The following SLC25A48 variants were observed in gnomAD, a reference collection of about 807,000 sequenced individuals.
The protein encoded by SLC25A48 is solute carrier family 25 member 48.
Under a neutral mutation model 32.2 loss-of-function variants are expected in SLC25A48, and 29 were observed. That is an observed-to-expected ratio of 0.90 (90% CI 0.67 to 1.23). The LOEUF is 1.23. Ranked by LOEUF, SLC25A48 falls within the 50% of genes most tolerant of loss-of-function variation. The pLI is 0.00. For missense variants in SLC25A48, 399 were observed against 422.7 expected (o/e 0.94, Z 0.49); for synonymous variants, 164 against 172.3 (o/e 0.95, Z 0.38).
At chr5:135,740,331 T>G (rs928292370) in intron 3 of SLC25A48, among the ~76,000 whole-genome samples, 3 of 152,086 alleles carry the variant, frequency 2.0e-5, no homozygotes, top group African/African-American at 7.2e-5. Flanking sequence ...GTAGCTAAGA[T>G]TACAGGTACA....
chr5:135,842,106 C>T (rs1289237441), intron 1 of SLC25A48, among the ~76,000 whole-genome samples: 2 of 152,102 alleles, frequency 1.3e-5, no homozygotes, highest in Non-Finnish European at 2.9e-5. Flanking sequence ...GGTCTTTGAT[C>T]TATTTTGATT....
intron 3 of SLC25A48, among the ~76,000 whole-genome samples, chr5:135,763,021 G>A (rs1446502769): frequency 6.6e-6 from 1 of 151,984 alleles, no homozygotes; most frequent in Non-Finnish European, 1.5e-5. Context: ...GTGTGTGAGA[G>A]AGTGAACCTG....
At chr5:135,774,995 A>C (rs748606918) in intron 3 of SLC25A48, among the ~76,000 whole-genome samples, 6 of 151,746 alleles carry the variant, frequency 4.0e-5, no homozygotes, top group Non-Finnish European at 7.4e-5. Context: ...ATTGTTCCTA[A>C]TATCCAGGGG....
intron 3 of SLC25A48, among the ~76,000 whole-genome samples, chr5:135,687,031 A>G (rs577853969): frequency 2.6e-5 from 4 of 152,058 alleles, no homozygotes; most frequent in Admixed American, 6.5e-5. Flanking sequence ...GACAATTTTT[A>G]AAACAATCCA....
chr5:135,835,085 C>T, intron 1 of SLC25A48, 192 bp downstream of exon 1: 1 of 736,452 alleles, frequency 1.4e-6, no homozygotes, highest in Non-Finnish European at 2.5e-6. Context: ...ATTCTGAGAG[C>T]TTCACAGCGT....
chr5:135,588,746 T>A (rs1458992565), intron 1 of SLC25A48, among the ~76,000 whole-genome samples: 1 of 142,368 alleles, frequency 7.0e-6, no homozygotes. Context: ...TCAGAACACA[T>A]GTGATGAGTC....
chr5:135,601,774 A>G (rs1159804990), intron 1 of SLC25A48, among the ~76,000 whole-genome samples: 1 of 152,192 alleles, frequency 6.6e-6, no homozygotes, highest in Non-Finnish European at 1.5e-5. Flanking sequence ...GAGCCAAAAG[A>G]AACTGTATTC....
chr5:135,605,226 A>C (rs1751906036), intron 1 of SLC25A48, among the ~76,000 whole-genome samples: 1 of 152,262 alleles, frequency 6.6e-6, no homozygotes, highest in Non-Finnish European at 1.5e-5. Context: ...TTACTTTATA[A>C]TTTAAAAAAT....
chr5:135,669,555 G>C (rs764623931), intron 3 of SLC25A48, among the ~76,000 whole-genome samples: 11 of 152,130 alleles, frequency 7.2e-5, no homozygotes, highest in Non-Finnish European at 1.6e-4. Context: ...CCACGGCTCA[G>C]AGTTATCCTA....
chr5:135,884,578 TGATGGGAGAGACCAGCCTGC>T (rs148226496), intron 7 of SLC25A48, among the ~76,000 whole-genome samples: 2,298 of 152,232 alleles, frequency 0.015, 33 homozygotes, highest in Non-Finnish European at 0.024. Context: ...GAGGCTCTAT[TGATGGGAGAGACCAGCCTGC>T]CTGTCTGCCC....
intron 4 of SLC25A48, among the ~76,000 whole-genome samples, chr5:135,864,355 G>A (rs1761032615): frequency 6.6e-6 from 1 of 152,136 alleles, no homozygotes; most frequent in South Asian, 2.1e-4. Flanking sequence ...TCTTCTCCAG[G>A]CAGGTTGACC....
intron 3 of SLC25A48, among the ~76,000 whole-genome samples, chr5:135,772,531 CTATGA>C (rs1209073681): frequency 6.6e-6 from 1 of 151,124 alleles, no homozygotes; most frequent in Non-Finnish European, 1.5e-5. Context: ...TGTACGCCCC[CTATGA>C]TATTGTTTGC....
chr5:135,677,117 T>A (rs4596378), intron 3 of SLC25A48, among the ~76,000 whole-genome samples: 114,344 of 151,800 alleles, frequency 0.75, 43,562 homozygotes, highest in Middle Eastern at 0.86. Context: ...TAATATTTTC[T>A]TTATGAATCT....
intron 3 of SLC25A48, among the ~76,000 whole-genome samples, chr5:135,712,666 T>C (rs1461047077): frequency 6.6e-6 from 1 of 152,206 alleles, no homozygotes; most frequent in African/African-American, 2.4e-5. Context: ...AAAGATCAGC[T>C]TCCTCCCCTT....
At chr5:135,703,083 G>A (rs1216210052) in intron 3 of SLC25A48, among the ~76,000 whole-genome samples, 2 of 152,170 alleles carry the variant, frequency 1.3e-5, no homozygotes, top group Non-Finnish European at 2.9e-5. Flanking sequence ...CATTCACTGT[G>A]AGCAGTGAAC....
intron 3 of SLC25A48, among the ~76,000 whole-genome samples, chr5:135,709,176 C>A (rs867516259): frequency 6.6e-6 from 1 of 152,212 alleles, no homozygotes; most frequent in African/African-American, 2.4e-5. Flanking sequence ...TATCCAGCCC[C>A]TGAGCCCACA....
At chr5:135,709,662 G>A (rs1436496562) in intron 3 of SLC25A48, among the ~76,000 whole-genome samples, 1 of 152,168 alleles carries the variant, frequency 6.6e-6, no homozygotes, top group Non-Finnish European at 1.5e-5. Flanking sequence ...GAAATCCTGT[G>A]TTTGAATCTT....
Position 135,851,397 on chromosome 5 carries a change from T to A in SLC25A48, c.162+901T>A, listed in dbSNP as rs574023218. ...ACAGTCCCCTGAAAGCGGCTGTTGA[T>A]TCTCCTTTTGGCACATGTTCCCGAC... On this transcript the variant is annotated intron_variant, in intron 3 of 7. Coordinates refer to ENST00000681962, the MANE Select transcript of SLC25A48 (RefSeq NM_001349336.2). 3.3e-4 allele frequency among the ~76,000 whole-genome samples: 50 copies of A among 152,326 alleles called. 1 individual carries two copies. The highest frequency in any genetic ancestry group is 1.1e-3 in the African/African-American group (44 of 41,574).
At chr5:135,787,462 T>C (rs916151108) in intron 3 of SLC25A48, among the ~76,000 whole-genome samples, 1 of 152,106 alleles carries the variant, frequency 6.6e-6, no homozygotes, top group African/African-American at 2.4e-5. Context: ...TTATTATTCG[T>C]AATATCTTAG....
Sources: gnomAD v4.1 joint callset for allele counts (sites outside exome capture counted in the v4.1 genomes callset) on GRCh38, gnomAD v4.1.1 for gene constraint, MANE v1.5 for transcripts, NCBI Gene and HGNC (gene_info 2026-07-23, HGNC 2026-07-21) for gene names.